HERC4: variants seen among roughly 807,000 people sequenced by gnomAD.
HERC4 encodes probable E3 ubiquitin-protein ligase HERC4.
HERC4 carries 28 observed loss-of-function variants against 124.3 expected under a neutral mutation model. The ratio of observed to expected loss-of-function variants is 0.23; its 90% CI spans 0.17 to 0.31. HERC4 has a LOEUF of 0.31. Among genes scored for constraint, HERC4 ranks in the 10% least tolerant of loss-of-function variants. HERC4 has a pLI of 1.00. For missense variants in HERC4, 713 were observed against 1,229.3 expected (o/e 0.58, Z 6.28); for synonymous variants, 407 against 421.5 (o/e 0.97, Z 0.42).
intron 24 of HERC4, among the ~76,000 whole-genome samples, chr10:67,924,178 T>C (rs1299160145): frequency 6.6e-6 from 1 of 152,236 alleles, no homozygotes; most frequent in Non-Finnish European, 1.5e-5. Flanking sequence ...AAATGGATGC[T>C]TGTGACTGTA....
chr10:68,009,944 CTCTCTACCTACTGTGTCCCAGTCT>C (rs1408332418), intron 9 of HERC4, among the ~76,000 whole-genome samples: 5 of 151,442 alleles, frequency 3.3e-5, no homozygotes, highest in Non-Finnish European at 7.4e-5. Flanking sequence ...TCTTTTTTTT[CTCTCTACCTACTGTGTCCCAGTCT>C]TCTTCATTTG....
At chr10:67,946,065 C>A (rs1186895853) in intron 19 of HERC4, among the ~76,000 whole-genome samples, 30 of 151,856 alleles carry the variant, frequency 2.0e-4, no homozygotes, top group Admixed American at 2.0e-3. Context: ...CCAGCCTGGG[C>A]AACATGGTGA....
At chr10:68,064,223 A>G (rs2133805034) in intron 3 of HERC4, among the ~76,000 whole-genome samples, 1 of 151,610 alleles carries the variant, frequency 6.6e-6, no homozygotes, top group Admixed American at 6.6e-5. Context: ...TGGGCGACAG[A>G]ACAAAACCCT....
At chr10:68,039,757 C>T in intron 4 of HERC4, 20 of 1,224,656 alleles carry the variant, frequency 1.6e-5, no homozygotes, top group Non-Finnish European at 2.1e-5. Context: ...TGAACATACC[C>T]AACTGTGCTC....
chr10:68,022,175 A>T (rs1255892459), intron 8 of HERC4, among the ~76,000 whole-genome samples: 1 of 152,190 alleles, frequency 6.6e-6, no homozygotes, highest in Non-Finnish European at 1.5e-5. Flanking sequence ...CTGGAAGACA[A>T]ATTGTTAAGA....
intron 19 of HERC4, among the ~76,000 whole-genome samples, chr10:67,948,523 A>C (rs532057709): frequency 1.3e-5 from 2 of 152,228 alleles, no homozygotes; most frequent in African/African-American, 2.4e-5. Flanking sequence ...ATAAAAAAAC[A>C]GTAGATGTTG....
intron 14 of HERC4, among the ~76,000 whole-genome samples, chr10:67,989,687 A>G (rs1051480115): frequency 7.2e-5 from 11 of 152,084 alleles, no homozygotes; most frequent in African/African-American, 2.7e-4. Flanking sequence ...TAGAAAAATT[A>G]AAGTGAGAAA....
At chr10:68,047,390 T>C (rs2040067593) in intron 3 of HERC4, among the ~76,000 whole-genome samples, 1 of 152,174 alleles carries the variant, frequency 6.6e-6, no homozygotes, top group Admixed American at 6.5e-5. Flanking sequence ...CTTTTCCATA[T>C]GGGTTAAGCT....
chr10:67,993,751 T>A (rs533978156), intron 9 of HERC4: 10 of 152,280 alleles, frequency 6.6e-5, no homozygotes, highest in African/African-American at 2.2e-4. Context: ...AAGTTTCTTT[T>A]GAAAAAGATA....
chr10:68,020,072 A>C (rs2038516782), intron 8 of HERC4, among the ~76,000 whole-genome samples: 1 of 152,218 alleles, frequency 6.6e-6, no homozygotes, highest in African/African-American at 2.4e-5. Context: ...TGAATTTAGA[A>C]TGTCACTGTG....
In HERC4 at chr10:67,939,481, G is replaced by C. The variant is rs1274425379; in HGVS notation, c.2571+107C>G. On this transcript the variant is annotated intron_variant, in intron 21 of 24. Coordinates refer to ENST00000373700, the MANE Select transcript of HERC4 (RefSeq NM_015601.4). ...AATGCTCAATAAATGTTAGCTAAAG[G>C]GTTCTTTAAGAATTCCATCCATCAA... The C allele has an allele frequency of 5.8e-6, 4 of 690,784 alleles. No individual in the cohort carries two copies. In the African/African-American group the frequency reaches 7.3e-5, roughly 13 times the overall value. 42.8% of individuals were successfully genotyped at this position (690,784 alleles called of 1,614,324 possible). A position where few individuals can be genotyped will look rare whatever the true frequency, so the allele number is the denominator to read the frequency against.
intron 15 of HERC4, among the ~76,000 whole-genome samples, chr10:67,972,312 G>A (rs1366033776): frequency 3.3e-5 from 5 of 149,892 alleles, no homozygotes; most frequent in South Asian, 2.1e-4. Flanking sequence ...ACCTGAGGTC[G>A]GGAGTTCAAG....
intron 23 of HERC4, among the ~76,000 whole-genome samples, chr10:67,929,287 C>T (rs577048138): frequency 1.3e-5 from 2 of 152,302 alleles, no homozygotes; most frequent in South Asian, 2.1e-4. Flanking sequence ...TGTGTAACCA[C>T]TGCCACAATT....
chr10:67,987,296 TTC>T (rs1218120694), intron 15 of HERC4, among the ~76,000 whole-genome samples: 1 of 152,154 alleles, frequency 6.6e-6, no homozygotes, highest in East Asian at 1.9e-4. Context: ...CCCTTCCATT[TTC>T]TCGAGGTAAA....
chr10:68,010,635 T>C, intron 9 of HERC4: 1 of 1,433,122 alleles, frequency 7.0e-7, no homozygotes, highest in Non-Finnish European at 9.7e-7. Context: ...CTGAATATTT[T>C]CATTGTTGTC....
intron 19 of HERC4, among the ~76,000 whole-genome samples, chr10:67,951,917 C>T (rs2033818215): frequency 6.6e-6 from 1 of 150,726 alleles, no homozygotes; most frequent in Admixed American, 6.6e-5. Flanking sequence ...AATATCCAGA[C>T]AAAAAAAAAT....
intron 8 of HERC4, among the ~76,000 whole-genome samples, chr10:68,020,134 G>C (rs772188741): frequency 3.3e-5 from 5 of 152,128 alleles, no homozygotes; most frequent in Admixed American, 1.3e-4. Flanking sequence ...TTATACCTCA[G>C]GGTGACTCCT....
chr10:68,053,001 T>C (rs1161309912), intron 3 of HERC4, among the ~76,000 whole-genome samples: 1 of 152,232 alleles, frequency 6.6e-6, no homozygotes, highest in African/African-American at 2.4e-5. Context: ...AAGGATGCTA[T>C]ATACTGATAG....
intron 9 of HERC4, chr10:68,010,575 G>T: frequency 8.9e-7 from 1 of 1,123,400 alleles, no homozygotes; most frequent in Non-Finnish European, 1.3e-6. Flanking sequence ...CTCAATACTG[G>T]TTCGCTTTCT....
Sources: gnomAD v4.1 joint callset for allele counts (sites outside exome capture counted in the v4.1 genomes callset) on GRCh38, gnomAD v4.1.1 for gene constraint, MANE v1.5 for transcripts, NCBI Gene and HGNC (gene_info 2026-07-23, HGNC 2026-07-21) for gene names.